The following UQCC6 variants were observed in gnomAD, a reference collection of about 807,000 sequenced individuals.
The protein encoded by UQCC6 is protein BRAWNIN.
chr12:103,954,792 TTACTC>T, the UQCC6 span: 53 of 575,876 alleles, frequency 9.2e-5, 1 homozygote, highest in Admixed American at 1.5e-3. Flanking sequence ...TTTTCACTTT[TTACTC>T]TACATACTTG....
At chr12:103,958,601 T>C in the UQCC6 span, among the ~76,000 whole-genome samples, 1 of 152,242 alleles carries the variant, frequency 6.6e-6, no homozygotes, top group Non-Finnish European at 1.5e-5. Context: ...CTCAGTTATT[T>C]TGAGATTCAT....
At chr12:103,959,562 A>T in the UQCC6 span, among the ~76,000 whole-genome samples, 1 of 124,294 alleles carries the variant, frequency 8.0e-6, no homozygotes, top group African/African-American at 3.0e-5. Context: ...AAATACAAAA[A>T]TTGGCCAGGT....
chr12:103,955,034 G>A, the UQCC6 span: 22 of 687,660 alleles, frequency 3.2e-5, no homozygotes, highest in African/African-American at 2.8e-4. Flanking sequence ...ATACAAATGG[G>A]CCAGGCACAG....
At chr12:103,958,657 G>A in the UQCC6 span, among the ~76,000 whole-genome samples, 1 of 152,076 alleles carries the variant, frequency 6.6e-6, no homozygotes, top group African/African-American at 2.4e-5. Context: ...TTGCTAGGTG[G>A]GTTTAGACTA....
the UQCC6 span, chr12:103,956,767 G>C: frequency 2.7e-6 from 4 of 1,479,798 alleles, no homozygotes; most frequent in Non-Finnish European, 3.7e-6. Context: ...GGAAGGAAGG[G>C]GCAGTGTCAG....
the UQCC6 span, among the ~76,000 whole-genome samples, chr12:103,964,975 CTCACAGA>C: frequency 6.6e-6 from 1 of 152,184 alleles, no homozygotes; most frequent in African/African-American, 2.4e-5. Context: ...CATCTCCCAG[CTCACAGA>C]TCACGTGAGT....
At chr12:103,951,707 TTAAAGAG>T in the UQCC6 span, 6 of 782,554 alleles carry the variant, frequency 7.7e-6, no homozygotes, top group African/African-American at 1.8e-5. Context: ...CTAGAAGACT[TTAAAGAG>T]TAAAAAATAA....
chr12:103,961,450 A>T, the UQCC6 span, among the ~76,000 whole-genome samples: 1 of 152,196 alleles, frequency 6.6e-6, no homozygotes, highest in African/African-American at 2.4e-5. Flanking sequence ...CTTCGCACTC[A>T]CTGACTCACC....
the UQCC6 span, among the ~76,000 whole-genome samples, chr12:103,957,516 C>T: frequency 3.9e-5 from 6 of 152,158 alleles, no homozygotes; most frequent in Admixed American, 2.6e-4. Context: ...ACACATTGAG[C>T]ATTTGCGTGC....
the UQCC6 span, chr12:103,956,475 C>A: frequency 1.7e-6 from 1 of 605,168 alleles, no homozygotes; most frequent in African/African-American, 1.9e-5. Context: ...CAAATGTGAT[C>A]CTAATTTCGT....
the UQCC6 span, among the ~76,000 whole-genome samples, chr12:103,955,935 A>T: frequency 6.6e-6 from 1 of 152,238 alleles, no homozygotes; most frequent in Non-Finnish European, 1.5e-5. Context: ...ATAGTCACTC[A>T]TCCTTCATTC....
the UQCC6 span, among the ~76,000 whole-genome samples, chr12:103,952,490 T>C: frequency 6.6e-6 from 1 of 152,242 alleles, no homozygotes; most frequent in African/African-American, 2.4e-5. Context: ...AACATTCATA[T>C]ACAAGTTTTT....
At chr12:103,954,789 T>G in the UQCC6 span, 1 of 574,770 alleles carries the variant, frequency 1.7e-6, no homozygotes, top group Non-Finnish European at 3.1e-6. Flanking sequence ...GGATTTTCAC[T>G]TTTTACTCTA....
the UQCC6 span, chr12:103,956,495 CTTT>C: frequency 1.3e-5 from 8 of 638,214 alleles, no homozygotes; most frequent in Non-Finnish European, 2.2e-5. Context: ...TTCAAGATCA[CTTT>C]TGCTGCCACG....
chr12:103,953,480 C>T, the UQCC6 span: 230 of 702,376 alleles, frequency 3.3e-4, 3 homozygotes, highest in East Asian at 5.5e-3. Context: ...CTCCTCTGCT[C>T]GACTCTGCCC....
At chr12:103,958,281 A>G in the UQCC6 span, among the ~76,000 whole-genome samples, 2 of 151,878 alleles carry the variant, frequency 1.3e-5, no homozygotes, top group Middle Eastern at 6.3e-3. Context: ...ATGACAAATC[A>G]TAATACTCAT....
the UQCC6 span, chr12:103,951,560 T>A: frequency 1.3e-6 from 2 of 1,549,624 alleles, no homozygotes; most frequent in Admixed American, 2.0e-5. Context: ...TTGAGGTTTG[T>A]GTTTTCTTTC....
At chr12:103,956,967 C>G in the UQCC6 span, 1 of 523,042 alleles carries the variant, frequency 1.9e-6, no homozygotes, top group Non-Finnish European at 3.4e-6. Context: ...CAGCCCCAAT[C>G]GTTTATCAGT....
At chr12:103,962,900 C>T in the UQCC6 span, among the ~76,000 whole-genome samples, 3 of 152,188 alleles carry the variant, frequency 2.0e-5, no homozygotes, top group Non-Finnish European at 4.4e-5. Context: ...GGGCTAAGGG[C>T]TTGCCTGCCC....
Sources: allele counts gnomAD v4.1 joint callset (sites outside exome capture counted in the v4.1 genomes callset), GRCh38; gene constraint gnomAD v4.1.1; transcripts MANE v1.5; gene names NCBI Gene and HGNC (gene_info 2026-07-23, HGNC 2026-07-21).